LMOD3: variants seen among roughly 807,000 people sequenced by gnomAD.
LMOD3 encodes the protein leiomodin 3, also known as leiomodin-3.
In LMOD3, 31 loss-of-function variants were observed where a neutral mutation model predicts 41.8. The observed-to-expected ratio is 0.74, with a 90% confidence interval of 0.56 to 1.00. The LOEUF is 1.00. Ranked by LOEUF, LMOD3 falls within the 50% of genes least tolerant of loss-of-function variation. LMOD3 has a pLI of 0.00. For missense variants in LMOD3, 755 were observed against 679.5 expected (o/e 1.11, Z -1.23); for synonymous variants, 292 against 241.9 (o/e 1.21, Z -1.92).
Position 69,120,144 on chromosome 3 carries a change from T to A in LMOD3, c.295-84A>T, listed in dbSNP as rs539877346. The A allele has an allele frequency of 6.9e-5, 98 of 1,418,752 alleles. No homozygotes were observed. In the East Asian group the frequency reaches 2.3e-3, roughly 33 times the overall value. The allele number at this position is 1,418,752 out of a possible 1,614,324, so 87.9% of individuals were successfully genotyped here. On this transcript the variant is annotated intron_variant, in intron 1 of 2. Transcript: ENST00000420581. ...CATCAGCTAGTGGAGATAATAAAAA[T>A]GCTTATTTAAAAGAGCTGGTTGCTA...
At position 69,106,345 on chromosome 3, in the gene LMOD3, G is replaced by T. The variant is rs183737279; in HGVS notation, c.*2750C>A. Among the ~76,000 whole-genome samples the T allele has an allele frequency of 4.9e-4, 75 of 151,906 alleles. No homozygotes were observed. Among genetic ancestry groups the T allele is most frequent in the Admixed American group, 3.2e-3 (49 of 15,248 alleles). On this transcript the variant is annotated 3_prime_UTR_variant, in exon 3 of 3. Coordinates refer to ENST00000420581, the MANE Select transcript of LMOD3 (RefSeq NM_198271.5). ...TCTGCCGATAAAATCCAATAAATTTGGAGAAACTAATAAAAAAAAAGATAC... is the reference window on the plus strand; with the variant it reads ...TCTGCCGATAAAATCCAATAAATTTTGAGAAACTAATAAAAAAAAAGATAC...
intron 2 of LMOD3, among the ~76,000 whole-genome samples, chr3:69,113,232 A>G (rs2092357432): frequency 6.6e-6 from 1 of 152,208 alleles, no homozygotes; most frequent in Non-Finnish European, 1.5e-5. Context: ...AGAAGCAACC[A>G]CTAGGCCTAA....
intron 2 of LMOD3, among the ~76,000 whole-genome samples, chr3:69,111,755 A>T (rs2092351204): frequency 6.6e-6 from 1 of 152,128 alleles, no homozygotes; most frequent in South Asian, 2.1e-4. Flanking sequence ...ATAATATTTT[A>T]AAAAGAAAAT....
chr3:69,122,585 G>C lies in LMOD3; in HGVS notation c.-199C>G. Reference sequence around the variant, plus strand: ...GAGTGATCACAGCTAAGCTCTTGCCGGATCTATATTAAGCAGGGCTTGGCT... The same window carrying C: ...GAGTGATCACAGCTAAGCTCTTGCCCGATCTATATTAAGCAGGGCTTGGCT... On this transcript the variant is annotated 5_prime_UTR_variant, in exon 1 of 3. Transcript: ENST00000420581. 1.9e-6 allele frequency: 1 copy of C among 529,874 alleles called. No homozygotes were observed. Among genetic ancestry groups the C allele is most frequent in the Non-Finnish European group, 3.3e-6 (1 of 299,974 alleles). 32.8% of individuals were successfully genotyped at this position (529,874 alleles called of 1,614,324 possible). A position where few individuals can be genotyped will look rare whatever the true frequency, so the allele number is the denominator to read the frequency against.
Position 69,122,281 on chromosome 3 carries a change from G to T in LMOD3, c.106C>A (p.Gln36Lys), listed in dbSNP as rs199876351. ...NLSAEELKELQSEMEVMAPDP... is the reference protein window; with the variant it reads ...NLSAEELKELKSEMEVMAPDP... ...GGGGCCATGACTTCCATTTCCGACTGCAGTTCTTTCAGTTCTTCAGCAGAC... is the reference window on the plus strand; with the variant it reads ...GGGGCCATGACTTCCATTTCCGACTTCAGTTCTTTCAGTTCTTCAGCAGAC... Residue 36 changes from glutamine to lysine, a missense_variant, in exon 1 of 3, where the codon CAG becomes AAG. Coordinates refer to ENST00000420581, the MANE Select transcript of LMOD3 (RefSeq NM_198271.5). 3.0e-5 allele frequency: 49 copies of T among 1,613,492 alleles called. No individual in the cohort carries two copies. Among genetic ancestry groups the T allele is most frequent in the Non-Finnish European group, 4.0e-5 (47 of 1,179,700 alleles).
chr3:69,121,391 G>C (rs956925557), intron 1 of LMOD3, among the ~76,000 whole-genome samples: 6 of 152,036 alleles, frequency 3.9e-5, no homozygotes, highest in Non-Finnish European at 8.8e-5. Context: ...ACTTTACCTA[G>C]GAGGCATCTC....
intron 2 of LMOD3, among the ~76,000 whole-genome samples, chr3:69,114,430 G>A (rs2092362364): frequency 6.6e-6 from 1 of 151,450 alleles, no homozygotes; most frequent in Non-Finnish European, 1.5e-5. Flanking sequence ...GCAAGTATAT[G>A]GATTTTCCTT....
intron 2 of LMOD3, among the ~76,000 whole-genome samples, chr3:69,112,972 C>T (rs999678694): frequency 7.2e-5 from 11 of 152,168 alleles, no homozygotes; most frequent in African/African-American, 2.2e-4. Flanking sequence ...CTGGATTATA[C>T]GTGCTCTTGA....
At chr3:69,117,691 C>T (rs1315528082) in intron 2 of LMOD3, among the ~76,000 whole-genome samples, 1 of 152,152 alleles carries the variant, frequency 6.6e-6, no homozygotes, top group Non-Finnish European at 1.5e-5. Context: ...TGACACCAAC[C>T]TGAAGTTCAA....
At chr3:69,111,358 G>T (rs928691244) in intron 2 of LMOD3, among the ~76,000 whole-genome samples, 1 of 152,178 alleles carries the variant, frequency 6.6e-6, no homozygotes, top group African/African-American at 2.4e-5. Flanking sequence ...AGAAGAGAGG[G>T]GTATGACTGC....
intron 2 of LMOD3, among the ~76,000 whole-genome samples, chr3:69,111,704 G>A (rs1184338635): frequency 6.6e-6 from 1 of 152,158 alleles, no homozygotes; most frequent in Non-Finnish European, 1.5e-5. Flanking sequence ...GCCTCCCAAA[G>A]TACTGGTATT....
rs762365035 is a variant in LMOD3 at position 69,118,908 on chromosome 3, C to A, written c.1447G>T (p.Asp483Tyr). ...SQAPKYRTDP[D>Y]SFRVVKLKRI... Reference sequence around the variant, plus strand: ...TTCAGCTTCACCACCCGGAAGGAGTCAGGGTCTGTCCTGTACTTCGGGGCC... The same window carrying A: ...TTCAGCTTCACCACCCGGAAGGAGTAAGGGTCTGTCCTGTACTTCGGGGCC... Residue 483 changes from aspartate to tyrosine, a missense_variant, in exon 2 of 3, where the codon GAC becomes TAC. Asp to Tyr is a radical substitution (Grantham distance 160). Coordinates refer to ENST00000420581, the MANE Select transcript of LMOD3 (RefSeq NM_198271.5). 16 of 1,611,602 alleles carry A rather than the reference C, an allele frequency of 9.9e-6. No homozygotes were observed. The South Asian group carries it at 1.8e-4, about 18-fold the overall frequency.
At chr3:69,112,572 G>A (rs1575873305) in intron 2 of LMOD3, among the ~76,000 whole-genome samples, 2 of 152,176 alleles carry the variant, frequency 1.3e-5, no homozygotes, top group East Asian at 3.8e-4. Flanking sequence ...GTCAAGCCTT[G>A]GAAATTGGAT....
At chr3:69,114,155 T>A (rs941127089) in intron 2 of LMOD3, among the ~76,000 whole-genome samples, 1 of 152,182 alleles carries the variant, frequency 6.6e-6, no homozygotes, top group South Asian at 2.1e-4. Context: ...AACCAATGCA[T>A]AGAAACAGCT....
chr3:69,106,897 G>T lies in LMOD3; in HGVS notation c.*2198C>A, dbSNP rs2092325129. 1 of 135,738 alleles carries T rather than the reference G, an allele frequency of 7.4e-6. No individual in the cohort carries two copies. Among genetic ancestry groups the T allele is most frequent in the Non-Finnish European group, 1.5e-5 (1 of 64,766 alleles). The allele number at this position is 135,738 out of a possible 1,614,324, so 8.4% of individuals were successfully genotyped here. A position where few individuals can be genotyped will look rare whatever the true frequency, so the allele number is the denominator to read the frequency against. ...TTTTTTTTTTTTTTTTAGTAGAAATGGGGTTTCACCATGTTGGTCAGGCTG... is the reference window on the plus strand; with the variant it reads ...TTTTTTTTTTTTTTTTAGTAGAAATTGGGTTTCACCATGTTGGTCAGGCTG... On this transcript the variant is annotated 3_prime_UTR_variant, in exon 3 of 3. Coordinates refer to ENST00000420581, the MANE Select transcript of LMOD3 (RefSeq NM_198271.5).
rs866358535 is a variant in LMOD3, at chr3:69,119,033, G to A, written c.1322C>T (p.Ser441Phe). The A allele has an allele frequency of 2.5e-6, 4 of 1,613,708 alleles. No homozygotes were observed. The African/African-American group carries it at 4.0e-5, about 16-fold the overall frequency. ...WELLGGPKPD[S>F]RMQEFFQPPP... ...TGGCTGGAAGAATTCCTGCATTCTGGAATCTGGCTTGGGTCCTCCCAACAG... is the reference window on the plus strand; with the variant it reads ...TGGCTGGAAGAATTCCTGCATTCTGAAATCTGGCTTGGGTCCTCCCAACAG... The change falls in exon 2 of 3, where the codon TCC (serine) becomes TTC (phenylalanine). Residue 441 changes from serine (S) to phenylalanine (F), a missense_variant. By Grantham distance (155) the Ser-to-Phe change is radical. Transcript: ENST00000420581.
Position 69,107,481 on chromosome 3 carries a change from T to G in LMOD3, c.*1614A>C, listed in dbSNP as rs1161196642. 5.1e-5 allele frequency: 6 copies of G among 117,476 alleles called. No individual in the cohort carries two copies. In the East Asian group the frequency reaches 7.3e-4, roughly 14 times the overall value. 7.3% of individuals were successfully genotyped at this position (117,476 alleles called of 1,614,324 possible). The stretch of plus-strand genomic sequence containing the variant: ...TTTTTTTTTTTTTTTTTTTTTTTTT[T>G]TTTTTTTTTTTTTGAGATGGAGTAT... On this transcript the variant is annotated 3_prime_UTR_variant, in exon 3 of 3. Transcript: ENST00000420581.
chr3:69,115,936 C>A (rs1405173243), intron 2 of LMOD3, among the ~76,000 whole-genome samples: 2 of 152,152 alleles, frequency 1.3e-5, no homozygotes, highest in African/African-American at 4.8e-5. Flanking sequence ...TCCATTGAGT[C>A]ATGTGCCCTG....
rs2092337219 is a variant in LMOD3, at chr3:69,109,246, C to A, written c.1657-125G>T. ...AATAGGTTTGAAATTCTGGCCAAAG[C>A]ACCTCCAAAATCAAGATAAAACAAC... On this transcript the variant is annotated intron_variant, in intron 2 of 2. Transcript: ENST00000420581. The A allele has an allele frequency of 3.7e-6, 3 of 805,296 alleles. 1 individual carries two copies. In the South Asian group the frequency reaches 4.7e-5, roughly 13 times the overall value. 49.9% of individuals were successfully genotyped at this position (805,296 alleles called of 1,614,324 possible).
Sources: gnomAD v4.1 joint callset for allele counts (sites outside exome capture counted in the v4.1 genomes callset) on GRCh38, gnomAD v4.1.1 for gene constraint, MANE v1.5 for transcripts, NCBI Gene and HGNC (gene_info 2026-07-23, HGNC 2026-07-21) for gene names.